Variants in FRMD6 observed in about 807,000 individuals in gnomAD.
The protein encoded by FRMD6 is FERM domain-containing protein 6.
Under a neutral mutation model 73.2 loss-of-function variants are expected in FRMD6, and 37 were observed. The observed-to-expected ratio is 0.51, with a 90% CI of 0.39 to 0.66. FRMD6 has a LOEUF of 0.66. Among genes scored for constraint, FRMD6 ranks in the 30% least tolerant of loss-of-function variants. FRMD6 has a pLI of 0.00. For synonymous variants in FRMD6, 273 were observed against 282.2 expected (o/e 0.97, Z 0.33); for missense variants, 714 against 780.5 (o/e 0.91, Z 1.02).
chr14:51,685,697 G>A (rs1895103022), intron 1 of FRMD6, among the ~76,000 whole-genome samples: 1 of 152,172 alleles, frequency 6.6e-6, no homozygotes, highest in African/African-American at 2.4e-5. Flanking sequence ...GTTGGCATGA[G>A]AGTTGCCCAT....
intron 1 of FRMD6, among the ~76,000 whole-genome samples, chr14:51,501,722 C>G (rs1429022234): frequency 6.6e-6 from 1 of 151,924 alleles, no homozygotes; most frequent in African/African-American, 2.4e-5. Context: ...ATATATATAT[C>G]CTTTTGGATA....
intron 2 of FRMD6, among the ~76,000 whole-genome samples, chr14:51,607,873 T>A (rs536361416): frequency 2.8e-4 from 42 of 152,230 alleles, no homozygotes; most frequent in Non-Finnish European, 5.3e-4. Flanking sequence ...TCCCTGACTC[T>A]GGGTTCCTGC....
intron 1 of FRMD6, among the ~76,000 whole-genome samples, chr14:51,654,066 G>A (rs1205258539): frequency 1.3e-5 from 2 of 152,176 alleles, no homozygotes. Context: ...TAAGGGGCAG[G>A]AAATCTTTCC....
chr14:51,571,101 C>A (rs1379583788), intron 2 of FRMD6, among the ~76,000 whole-genome samples: 1 of 152,232 alleles, frequency 6.6e-6, no homozygotes, highest in Non-Finnish European at 1.5e-5. Context: ...CATGGCTGGG[C>A]ATGGTGGCTC....
At chr14:51,552,896 T>A (rs1886919780) in intron 1 of FRMD6, among the ~76,000 whole-genome samples, 1 of 152,158 alleles carries the variant, frequency 6.6e-6, no homozygotes, top group Non-Finnish European at 1.5e-5. Context: ...GTTGCTCTCA[T>A]GAGCCAGATC....
At chr14:51,589,606 C>T (rs1889259115) in intron 2 of FRMD6, among the ~76,000 whole-genome samples, 1 of 151,812 alleles carries the variant, frequency 6.6e-6, no homozygotes, top group Non-Finnish European at 1.5e-5. Context: ...CCTGATCATT[C>T]CTGGCTCATT....
At chr14:51,642,541 G>A (rs933429599) in intron 2 of FRMD6, among the ~76,000 whole-genome samples, 8 of 152,072 alleles carry the variant, frequency 5.3e-5, no homozygotes, top group African/African-American at 1.9e-4. Flanking sequence ...CATCTCCTAA[G>A]TAAATAAATA....
intron 1 of FRMD6, among the ~76,000 whole-genome samples, chr14:51,528,183 C>T (rs1449841277): frequency 3.9e-5 from 6 of 152,132 alleles, no homozygotes; most frequent in African/African-American, 1.4e-4. Flanking sequence ...AAAGCAGACT[C>T]AGCTCAGTGG....
At chr14:51,630,506 T>G (rs1891293701) in intron 2 of FRMD6, among the ~76,000 whole-genome samples, 1 of 152,116 alleles carries the variant, frequency 6.6e-6, no homozygotes, top group South Asian at 2.1e-4. Context: ...TGCCAGCACT[T>G]TGGGAAGCCA....
rs1898089428 is a variant in FRMD6 at position 51,728,158 on chromosome 14, GTGA to G, written c.*135_*137del. On this transcript the variant is annotated 3_prime_UTR_variant, in exon 14 of 14. Coordinates refer to ENST00000344768, the MANE Select transcript of FRMD6 (RefSeq NM_001267046.2). The stretch of plus-strand genomic sequence containing the variant: ...ACATAGCTCTTTCTTTATAATATTT[GTGA>G]TGATGGAAACAAAAGCCTTGGAACA... 7.1e-6 allele frequency: 6 copies of G among 842,198 alleles called. No homozygotes were observed. The East Asian group carries it at 1.6e-4, about 23-fold the overall frequency. The allele number at this position is 842,198 out of a possible 1,614,324, so 52.2% of individuals were successfully genotyped here. A position where few individuals can be genotyped will look rare whatever the true frequency, so the allele number is the denominator to read the frequency against.
the FRMD6 span, among the ~76,000 whole-genome samples, chr14:51,428,980 G>GGGGAGAGAGAGGGTGAGAGAGAGAA: frequency 1.4e-5 from 2 of 147,056 alleles, no homozygotes; most frequent in African/African-American, 5.0e-5. Context: ...GAGAGACAGA[G>GGGGAGAGAGAGGGTGAGAGAGAGAA]GGGAGAGAGA....
the FRMD6 span, among the ~76,000 whole-genome samples, chr14:51,426,320 C>T: frequency 6.6e-6 from 1 of 152,150 alleles, no homozygotes; most frequent in Non-Finnish European, 1.5e-5. Flanking sequence ...CTCAGCCTCA[C>T]CATTTGCACT....
intron 1 of FRMD6, among the ~76,000 whole-genome samples, chr14:51,658,508 T>A (rs1334094799): frequency 1.3e-5 from 2 of 152,136 alleles, no homozygotes; most frequent in African/African-American, 4.8e-5. Flanking sequence ...CTTAAGAAAA[T>A]GTTTCAAAAA....
intron 2 of FRMD6, among the ~76,000 whole-genome samples, chr14:51,611,341 A>C (rs1890488294): frequency 6.6e-6 from 1 of 152,230 alleles, no homozygotes; most frequent in Non-Finnish European, 1.5e-5. Context: ...GTGGCTGCAT[A>C]AACATCATCT....
chr14:51,602,906 T>C (rs1054898129), intron 2 of FRMD6, among the ~76,000 whole-genome samples: 3 of 152,236 alleles, frequency 2.0e-5, no homozygotes, highest in Non-Finnish European at 4.4e-5. Context: ...AATTATGGTA[T>C]AGCTATACAA....
At position 51,620,350 on chromosome 14, in the gene FRMD6, G is replaced by A. The variant is rs533697827; in HGVS notation, c.-147+49940G>A. The stretch of plus-strand genomic sequence containing the variant: ...AGCAGTAACTCATGAAGGAAATTCT[G>A]TAGGGATGAAGGAAAAAGATTCCGC... On this transcript the variant is annotated intron_variant, in intron 2 of 14. Transcript: ENST00000356218. Among the ~76,000 whole-genome samples the A allele has an allele frequency of 4.5e-4, 69 of 152,236 alleles. 2 individuals carry two copies. The South Asian group carries it at 0.014, about 31-fold the overall frequency.
At chr14:51,582,142 A>G (rs1451498936) in intron 2 of FRMD6, among the ~76,000 whole-genome samples, 11 of 152,118 alleles carry the variant, frequency 7.2e-5, no homozygotes. Flanking sequence ...AGCCTATGCT[A>G]TTTTCTAATA....
chr14:51,646,747 C>A (rs147496903), intron 2 of FRMD6, among the ~76,000 whole-genome samples: 13 of 151,426 alleles, frequency 8.6e-5, no homozygotes, highest in African/African-American at 3.2e-4. Flanking sequence ...TATCTTCAGT[C>A]TTCTGTATAA....
upstream of FRMD6, among the ~76,000 whole-genome samples, chr14:51,648,657 C>T (rs1460989886): frequency 2.0e-5 from 3 of 152,192 alleles, no homozygotes; most frequent in African/African-American, 4.8e-5. Flanking sequence ...ATTCTTCCTG[C>T]GTATCTCTAC....
Sources: allele counts gnomAD v4.1 joint callset (sites outside exome capture counted in the v4.1 genomes callset), GRCh38; gene constraint gnomAD v4.1.1; transcripts MANE v1.5; gene names NCBI Gene and HGNC (gene_info 2026-07-23, HGNC 2026-07-21).